CADM2: variants seen among roughly 807,000 people sequenced by gnomAD.
CADM2 encodes cell adhesion molecule 2.
CADM2 carries 12 observed loss-of-function variants against 49.8 expected under a neutral mutation model. That is an observed-to-expected ratio of 0.24 (90% CI 0.15 to 0.39). The LOEUF (loss-of-function observed/expected upper bound fraction) is 0.39. Among genes scored for constraint, CADM2 ranks in the 10% least tolerant of loss-of-function variants. The pLI is 1.00. For synonymous variants in CADM2, 214 were observed against 175.4 expected (o/e 1.22, Z -1.74); for missense variants, 378 against 492.3 (o/e 0.77, Z 2.20).
At chr3:85,164,117 TGAA>T (rs953588192) in intron 1 of CADM2, among the ~76,000 whole-genome samples, 3 of 152,050 alleles carry the variant, frequency 2.0e-5, no homozygotes, top group Non-Finnish European at 2.9e-5. Context: ...TGCTGTGAAA[TGAA>T]GAAGAACAAA....
At chr3:85,813,829 G>T (rs1169989132) in intron 3 of CADM2, among the ~76,000 whole-genome samples, 1 of 152,100 alleles carries the variant, frequency 6.6e-6, no homozygotes, top group Non-Finnish European at 1.5e-5. Flanking sequence ...TGTCAGGTGT[G>T]TCAAAGATCA....
At chr3:85,497,285 A>C (rs2107657883) in intron 1 of CADM2, among the ~76,000 whole-genome samples, 1 of 152,120 alleles carries the variant, frequency 6.6e-6, no homozygotes, top group African/African-American at 2.4e-5. Context: ...CCATTCTTTT[A>C]TCTGATACAA....
chr3:85,074,583 T>C (rs983389449), intron 1 of CADM2, among the ~76,000 whole-genome samples: 3 of 152,186 alleles, frequency 2.0e-5, no homozygotes, highest in African/African-American at 4.8e-5. Flanking sequence ...GTGTTCAATA[T>C]GTTTCTGTTG....
At chr3:85,070,367 A>G (rs2036682658) in intron 1 of CADM2, among the ~76,000 whole-genome samples, 1 of 152,194 alleles carries the variant, frequency 6.6e-6, no homozygotes, top group Admixed American at 6.5e-5. Flanking sequence ...AAGCATAGCT[A>G]TACTTCATAT....
intron 1 of CADM2, among the ~76,000 whole-genome samples, chr3:85,490,293 G>A (rs2039617715): frequency 6.6e-6 from 1 of 151,950 alleles, no homozygotes; most frequent in Non-Finnish European, 1.5e-5. Context: ...TTCTCTAACT[G>A]TAACTCAAAT....
chr3:85,357,763 T>TAAG (rs1468830195), intron 1 of CADM2, among the ~76,000 whole-genome samples: 1 of 152,126 alleles, frequency 6.6e-6, no homozygotes, highest in African/African-American at 2.4e-5. Context: ...CAAGAAATAC[T>TAAG]AAGTAAATTA....
intron 2 of CADM2, among the ~76,000 whole-genome samples, chr3:85,765,692 T>C (rs2069622031): frequency 1.3e-5 from 2 of 152,098 alleles, no homozygotes; most frequent in African/African-American, 4.8e-5. Flanking sequence ...TTTTATCATG[T>C]ATTTCTTATT....
chr3:85,362,431 C>T (rs1281834189), intron 1 of CADM2, among the ~76,000 whole-genome samples: 3 of 152,028 alleles, frequency 2.0e-5, no homozygotes, highest in East Asian at 1.9e-4. Context: ...CCATTTGAAG[C>T]GTATAAAATT....
chr3:85,146,688 T>C (rs2039754252), intron 1 of CADM2, among the ~76,000 whole-genome samples: 1 of 152,224 alleles, frequency 6.6e-6, no homozygotes, highest in African/African-American at 2.4e-5. Context: ...TTTCCAAATA[T>C]CACTTTTGTG....
chr3:85,368,744 A>G (rs575497870), intron 1 of CADM2, among the ~76,000 whole-genome samples: 129 of 152,198 alleles, frequency 8.5e-4, no homozygotes, highest in African/African-American at 2.6e-3. Flanking sequence ...TACGTTTCTA[A>G]CTATTTTTGT....
intron 1 of CADM2, among the ~76,000 whole-genome samples, chr3:85,355,765 G>A (rs1413733210): frequency 6.6e-6 from 1 of 152,134 alleles, no homozygotes; most frequent in Admixed American, 6.6e-5. Flanking sequence ...TGAGATGATA[G>A]TGGGTATATT....
At chr3:85,146,561 G>A (rs2039749463) in intron 1 of CADM2, among the ~76,000 whole-genome samples, 1 of 152,124 alleles carries the variant, frequency 6.6e-6, no homozygotes, top group African/African-American at 2.4e-5. Context: ...CTTCATGAAA[G>A]TAATCATTGA....
At chr3:85,907,207 A>G (rs1313838589) in intron 5 of CADM2, among the ~76,000 whole-genome samples, 2 of 152,174 alleles carry the variant, frequency 1.3e-5, no homozygotes, top group Admixed American at 6.5e-5. Flanking sequence ...AAATCATTAA[A>G]GGACCACTGA....
chr3:84,969,824 C>A (rs2031285320), intron 1 of CADM2, among the ~76,000 whole-genome samples: 2 of 151,852 alleles, frequency 1.3e-5, no homozygotes, highest in South Asian at 4.1e-4. Flanking sequence ...TTATTTGAAT[C>A]TTCCCGATAT....
At chr3:85,121,527 C>T (rs901818693) in intron 1 of CADM2, among the ~76,000 whole-genome samples, 2 of 152,072 alleles carry the variant, frequency 1.3e-5, no homozygotes, top group African/African-American at 2.4e-5. Context: ...CAGGTACTCA[C>T]GCTTAGCACA....
At chr3:85,859,313 C>T (rs540289301) in intron 3 of CADM2, among the ~76,000 whole-genome samples, 7 of 140,918 alleles carry the variant, frequency 5.0e-5, no homozygotes, top group Admixed American at 4.6e-4. Context: ...TCACTGCAAC[C>T]TCTGCCTCCC....
At chr3:85,769,175 CAT>C (rs1397524971) in intron 2 of CADM2, among the ~76,000 whole-genome samples, 1 of 80,688 alleles carries the variant, frequency 1.2e-5, no homozygotes, top group African/African-American at 6.4e-5. Flanking sequence ...TATATATACA[CAT>C]ATATACATAT....
chr3:85,758,707 T>C (rs1337524176), intron 2 of CADM2, among the ~76,000 whole-genome samples: 1 of 152,152 alleles, frequency 6.6e-6, no homozygotes. Context: ...ATGTTCAATG[T>C]AGCAGTAATC....
chr3:85,471,291 G>A (rs1468689894), intron 1 of CADM2, among the ~76,000 whole-genome samples: 1 of 152,036 alleles, frequency 6.6e-6, no homozygotes, highest in Non-Finnish European at 1.5e-5. Context: ...CAGCTTCCAG[G>A]AAGTAGAAAA....
Sources: gnomAD v4.1 joint callset for allele counts (sites outside exome capture counted in the v4.1 genomes callset) on GRCh38, gnomAD v4.1.1 for gene constraint, MANE v1.5 for transcripts, NCBI Gene and HGNC (gene_info 2026-07-23, HGNC 2026-07-21) for gene names.